The following ENAH variants were observed in gnomAD, a reference collection of about 807,000 sequenced individuals.
The protein encoded by ENAH is protein enabled homolog.
In ENAH, 23 loss-of-function variants were observed where a neutral mutation model predicts 78.7. The ratio of observed to expected loss-of-function variants is 0.29; its 90% CI spans 0.21 to 0.41. The LOEUF (loss-of-function observed/expected upper bound fraction) is 0.41. ENAH is among the 10% of genes least tolerant of loss of function. The pLI is 1.00. For synonymous variants in ENAH, 226 were observed against 241.0 expected, an observed-to-expected ratio of 0.94 and a Z score of 0.58; for missense variants, 544 against 691.0, an observed-to-expected ratio of 0.79 and a Z score of 2.39.
At chr1:225,522,548 A>G (rs944414340) in intron 4 of ENAH, among the ~76,000 whole-genome samples, 2 of 152,208 alleles carry the variant, frequency 1.3e-5, no homozygotes, top group Non-Finnish European at 2.9e-5. Context: ...TTGAGGGATA[A>G]CAATAACTTT....
At chr1:225,633,695 T>A (rs1281889370) in intron 1 of ENAH, among the ~76,000 whole-genome samples, 4 of 152,312 alleles carry the variant, frequency 2.6e-5, no homozygotes, top group Non-Finnish European at 4.4e-5. Context: ...AATGAAATGA[T>A]CCATGTGAAG....
At chr1:225,612,495 G>C (rs952729285) in intron 1 of ENAH, among the ~76,000 whole-genome samples, 1 of 152,150 alleles carries the variant, frequency 6.6e-6, no homozygotes, top group Admixed American at 6.5e-5. Context: ...AAAAGTTCTG[G>C]AAGTAGATAG....
intron 1 of ENAH, among the ~76,000 whole-genome samples, chr1:225,605,149 T>A (rs1156787858): frequency 1.3e-5 from 2 of 152,206 alleles, no homozygotes; most frequent in African/African-American, 4.8e-5. Context: ...AATACAATTG[T>A]AGATTGAATC....
intron 4 of ENAH, among the ~76,000 whole-genome samples, chr1:225,528,407 G>A (rs2096521297): frequency 6.6e-6 from 1 of 152,172 alleles, no homozygotes; most frequent in Non-Finnish European, 1.5e-5. Flanking sequence ...AGACAGTCAT[G>A]AGGGGGTGAA....
chr1:225,645,955 C>T (rs1280747651), intron 1 of ENAH, among the ~76,000 whole-genome samples: 1 of 152,060 alleles, frequency 6.6e-6, no homozygotes, highest in Non-Finnish European at 1.5e-5. Flanking sequence ...GGAAAAGTTG[C>T]CTGTTAATAA....
intron 1 of ENAH, chr1:225,652,227 A>C (rs929499488): frequency 3.1e-6 from 2 of 640,466 alleles, no homozygotes; most frequent in Non-Finnish European, 3.9e-6. Flanking sequence ...CAGAGATTTC[A>C]GACCTTTCAA....
intron 1 of ENAH, among the ~76,000 whole-genome samples, chr1:225,636,534 A>G (rs995066331): frequency 1.3e-5 from 2 of 152,192 alleles, no homozygotes; most frequent in Non-Finnish European, 2.9e-5. Flanking sequence ...CCTTTATTAA[A>G]AATCAGATGA....
intron 1 of ENAH, among the ~76,000 whole-genome samples, chr1:225,647,780 CAGTCAA>C (rs1176837984): frequency 1.3e-5 from 2 of 152,090 alleles, no homozygotes; most frequent in African/African-American, 2.4e-5. Flanking sequence ...AAGAGCAACG[CAGTCAA>C]AGTCAAACAC....
intron 1 of ENAH, among the ~76,000 whole-genome samples, chr1:225,573,349 CTTA>C (rs1424455548): frequency 6.6e-6 from 1 of 152,124 alleles, no homozygotes; most frequent in Admixed American, 6.5e-5. Context: ...TACTATTCCT[CTTA>C]TTAATTCTCT....
At chr1:225,531,342 C>T (rs760876959) in intron 3 of ENAH, among the ~76,000 whole-genome samples, 23 of 151,970 alleles carry the variant, frequency 1.5e-4, no homozygotes, top group Non-Finnish European at 2.4e-4. Context: ...CACTAATGAC[C>T]ATCCATTCCC....
At chr1:225,636,138 CAG>C (rs1324727819) in intron 1 of ENAH, among the ~76,000 whole-genome samples, 1 of 152,172 alleles carries the variant, frequency 6.6e-6, no homozygotes. Flanking sequence ...TTTATGAAAA[CAG>C]GGGAAGAGTA....
rs778750965 is a variant in ENAH at position 225,514,668 on chromosome 1, C to T, written c.1146G>A (p.Met382Ile). ...LPASGFFLAS[M>I]SEDNRPLTGL... ...CAGTTAAAGGGCGATTGTCTTCTGA[C>T]ATGGATGCCAAAAAGAATCCAGATG... Residue 382 changes from methionine (M) to isoleucine (I), a missense_variant, in exon 7 of 14, where the codon ATG becomes ATA. Physicochemically the swap from Met to Ile is conservative, Grantham distance 10. Around this residue, in one of 4 missense-constraint regions of ENAH, gnomAD observed 366 missense variants for 396.1 expected, o/e 0.92. Transcript: ENST00000366843. 1.9e-6 allele frequency: 3 copies of T among 1,600,090 alleles called. No individual in the cohort carries two copies. The African/African-American group carries it at 4.1e-5, about 22-fold the overall frequency.
intron 1 of ENAH, among the ~76,000 whole-genome samples, chr1:225,591,197 G>A (rs907493537): frequency 2.0e-5 from 3 of 152,314 alleles, no homozygotes; most frequent in East Asian, 1.9e-4. Flanking sequence ...GGCCAGGCGC[G>A]GTGGCTCATG....
At position 225,619,903 on chromosome 1, in the gene ENAH, AT is replaced by A. The variant is rs1033817545; in HGVS notation, c.5+32782del. Among the ~76,000 whole-genome samples, 5 of 152,330 alleles carry A rather than the reference AT, an allele frequency of 3.3e-5. No individual in the cohort carries two copies. In the South Asian group the frequency reaches 1.0e-3, roughly 32 times the overall value. ...TAAAAATTCACTAAGCTAAAAAAAA[AT>A]GTCTGGTGATAATTAAATGTACCGG... is the stretch of plus-strand genomic sequence containing the variant. On this transcript the variant is annotated intron_variant, in intron 1 of 13. Coordinates refer to ENST00000366843, the MANE Select transcript of ENAH (RefSeq NM_018212.6).
In ENAH at chr1:225,491,309, T is replaced by A. The variant is rs1429789452; in HGVS notation, c.*6466A>T. On this transcript the variant is annotated 3_prime_UTR_variant, in exon 14 of 14. Transcript: ENST00000366843. Reference sequence around the variant, plus strand: ...GTGCCCACCACTATGCCCAGCCAATTTTTTTGTATTTTTAGTAGAGATGGG... The same window carrying A: ...GTGCCCACCACTATGCCCAGCCAATATTTTTGTATTTTTAGTAGAGATGGG... The A allele has an allele frequency of 6.6e-6, 1 of 151,708 alleles. No homozygotes were observed. The highest frequency in any genetic ancestry group is 1.5e-5 in the Non-Finnish European group (1 of 67,940). The allele number at this position is 151,708 out of a possible 1,614,324, so 9.4% of individuals were successfully genotyped here.
intron 1 of ENAH, among the ~76,000 whole-genome samples, chr1:225,593,987 TG>T (rs1360155674): frequency 1.3e-5 from 2 of 152,202 alleles, no homozygotes; most frequent in Admixed American, 1.3e-4. Context: ...AGATTACACT[TG>T]GTATTCTTAC....
At chr1:225,641,302 C>T (rs898682796) in intron 1 of ENAH, among the ~76,000 whole-genome samples, 4 of 151,012 alleles carry the variant, frequency 2.6e-5, no homozygotes, top group African/African-American at 7.3e-5. Flanking sequence ...TATGCATTTT[C>T]CTTCTAAACA....
chr1:225,541,690 G>A (rs568808648), intron 3 of ENAH, among the ~76,000 whole-genome samples: 1 of 152,254 alleles, frequency 6.6e-6, no homozygotes, highest in Non-Finnish European at 1.5e-5. Context: ...AAGTATTAGA[G>A]GTGATTGGTG....
At chr1:225,586,127 G>C (rs2096844980) in intron 1 of ENAH, among the ~76,000 whole-genome samples, 1 of 151,740 alleles carries the variant, frequency 6.6e-6, no homozygotes, top group Non-Finnish European at 1.5e-5. Context: ...GAGGCTGGAG[G>C]ATCAGCTGAG....
Sources: allele counts gnomAD v4.1 joint callset (sites outside exome capture counted in the v4.1 genomes callset), GRCh38; gene constraint gnomAD v4.1.1; regional missense constraint gnomAD v4.1.1; transcripts MANE v1.5; gene names NCBI Gene and HGNC (gene_info 2026-07-23, HGNC 2026-07-21).